Variants in SULF1 observed in about 807,000 individuals in gnomAD.
SULF1 encodes the protein sulfatase 1.
A neutral mutation model predicts 110.5 loss-of-function variants in SULF1; 46 were observed. The observed-to-expected ratio is 0.42, with a 90% confidence interval of 0.33 to 0.53. The LOEUF is 0.53. SULF1 is among the 20% of genes least tolerant of loss of function. SULF1 has a pLI of 0.12. For synonymous variants in SULF1, 371 were observed against 387.1 expected (o/e 0.96, Z 0.49); for missense variants, 941 against 1,094.2 (o/e 0.86, Z 1.98).
intron 3 of SULF1, among the ~76,000 whole-genome samples, chr8:69,509,364 T>C (rs928434829): frequency 6.6e-6 from 1 of 152,228 alleles, no homozygotes; most frequent in African/African-American, 2.4e-5. Flanking sequence ...TTGCCAGGAT[T>C]ATAACTATGT....
At chr8:69,493,660 C>A (rs1348933763) in intron 1 of SULF1, among the ~76,000 whole-genome samples, 1 of 152,218 alleles carries the variant, frequency 6.6e-6, no homozygotes, top group East Asian at 1.9e-4. Flanking sequence ...TCAGTGCAGG[C>A]TTGAAACTTG....
At chr8:69,519,127 G>A (rs1563490045) in intron 3 of SULF1, among the ~76,000 whole-genome samples, 1 of 152,132 alleles carries the variant, frequency 6.6e-6, no homozygotes, top group Non-Finnish European at 1.5e-5. Context: ...TTTATGGCAG[G>A]AGGACCAGTC....
chr8:69,494,117 A>G (rs1467646045), intron 1 of SULF1, among the ~76,000 whole-genome samples: 1 of 152,212 alleles, frequency 6.6e-6, no homozygotes, highest in Non-Finnish European at 1.5e-5. Flanking sequence ...TAAGAAAACT[A>G]AGAACTATAA....
intron 5 of SULF1, among the ~76,000 whole-genome samples, chr8:69,570,230 A>G (rs936848835): frequency 3.9e-5 from 6 of 152,212 alleles, no homozygotes; most frequent in Non-Finnish European, 8.8e-5. Context: ...ACATGGAAGT[A>G]TCTCTCTAGG....
At chr8:69,540,339 T>C (rs375023031) in intron 3 of SULF1, among the ~76,000 whole-genome samples, 3 of 152,382 alleles carry the variant, frequency 2.0e-5, no homozygotes, top group African/African-American at 4.8e-5. Context: ...ATCTAATATT[T>C]GTAAGGCACT....
chr8:69,544,106 T>G (rs1814061278), intron 3 of SULF1, among the ~76,000 whole-genome samples: 1 of 152,238 alleles, frequency 6.6e-6, no homozygotes, highest in African/African-American at 2.4e-5. Context: ...CTTTCTAAAC[T>G]TTGCTAGTTT....
chr8:69,608,415 G>A (rs117313165), intron 13 of SULF1, among the ~76,000 whole-genome samples: 2,208 of 152,274 alleles, frequency 0.015, 19 homozygotes, highest in Non-Finnish European at 0.022. Flanking sequence ...CACGGTGGCT[G>A]ATGCCTATAA....
At chr8:69,648,920 TGTTC>T (rs1291276651) in intron 22 of SULF1, among the ~76,000 whole-genome samples, 2 of 152,250 alleles carry the variant, frequency 1.3e-5, no homozygotes, top group East Asian at 3.8e-4. Context: ...GACCTGGGTA[TGTTC>T]TTGAATTTGT....
At chr8:69,469,309 GTGTT>G (rs1808988647) in intron 1 of SULF1, 1 of 152,244 alleles carries the variant, frequency 6.6e-6, no homozygotes, top group Non-Finnish European at 1.5e-5. Flanking sequence ...AGCTGTGAAA[GTGTT>G]TGAGCACACG....
In SULF1 at chr8:69,493,100, T is replaced by A. The variant is rs1272784294; in HGVS notation, c.-416T>A. The stretch of plus-strand genomic sequence containing the variant: ...CTCCCTGTTCCCAGAGCTTTTTCTC[T>A]AGAGAAGATTTTGAAGGCGGCTTTT... On this transcript the variant is annotated 5_prime_UTR_variant, in exon 1 of 23. An upstream open reading frame in the 5' UTR loses its in-frame stop. Coordinates refer to ENST00000402687, the MANE Select transcript of SULF1 (RefSeq NM_001128205.2). 6.6e-6 allele frequency: 1 copy of A among 152,652 alleles called. No homozygotes were observed. The highest frequency in any genetic ancestry group is 1.5e-5 in the Non-Finnish European group (1 of 68,038). 9.5% of individuals were successfully genotyped at this position (152,652 alleles called of 1,614,324 possible).
At chr8:69,536,029 G>A (rs1379503527) in intron 3 of SULF1, among the ~76,000 whole-genome samples, 1 of 151,084 alleles carries the variant, frequency 6.6e-6, no homozygotes, top group Non-Finnish European at 1.5e-5. Context: ...AAAAAAAAAA[G>A]CCATAAAATC....
At chr8:69,621,704 C>A (rs998805248) in intron 14 of SULF1, among the ~76,000 whole-genome samples, 1 of 152,148 alleles carries the variant, frequency 6.6e-6, no homozygotes, top group African/African-American at 2.4e-5. Flanking sequence ...ATATTTTAAT[C>A]TCTGTTTTAG....
intron 3 of SULF1, among the ~76,000 whole-genome samples, chr8:69,508,323 T>A (rs1403224791): frequency 6.6e-6 from 1 of 152,186 alleles, no homozygotes; most frequent in African/African-American, 2.4e-5. Context: ...CAAGCTGGTC[T>A]CGAACTCCCA....
intron 5 of SULF1, among the ~76,000 whole-genome samples, chr8:69,565,604 A>C (rs1395660617): frequency 6.6e-6 from 1 of 151,944 alleles, no homozygotes; most frequent in Non-Finnish European, 1.5e-5. Context: ...CCGGTTTGTC[A>C]CCTGGCCTGC....
At chr8:69,471,608 A>G (rs1809087872) in intron 1 of SULF1, among the ~76,000 whole-genome samples, 1 of 152,184 alleles carries the variant, frequency 6.6e-6, no homozygotes, top group Non-Finnish European at 1.5e-5. Flanking sequence ...GGAGCAGGAG[A>G]GTACAGGCTC....
chr8:69,626,763 G>A (rs1194301291), intron 15 of SULF1, among the ~76,000 whole-genome samples: 2 of 152,236 alleles, frequency 1.3e-5, no homozygotes. Flanking sequence ...CGGCCTCTGC[G>A]AGTGTGGGGC....
chr8:69,611,847 T>A (rs1391830882), intron 13 of SULF1, among the ~76,000 whole-genome samples: 1 of 152,164 alleles, frequency 6.6e-6, no homozygotes, highest in Non-Finnish European at 1.5e-5. Flanking sequence ...ACAATTTTTT[T>A]AATTTTTCTT....
chr8:69,632,559 A>G (rs1263492908), intron 19 of SULF1, among the ~76,000 whole-genome samples: 1 of 152,158 alleles, frequency 6.6e-6, no homozygotes, highest in Non-Finnish European at 1.5e-5. Context: ...ACTCAATAAC[A>G]TGAAAAAAAG....
At chr8:69,511,665 C>A (rs888538025) in intron 3 of SULF1, among the ~76,000 whole-genome samples, 2 of 152,216 alleles carry the variant, frequency 1.3e-5, no homozygotes, top group African/African-American at 4.8e-5. Context: ...TCAACATCCA[C>A]CACTAGGGTG....
Sources: allele counts gnomAD v4.1 joint callset (sites outside exome capture counted in the v4.1 genomes callset), GRCh38; gene constraint gnomAD v4.1.1; transcripts MANE v1.5; gene names NCBI Gene and HGNC (gene_info 2026-07-23, HGNC 2026-07-21).